The following SUGCT variants were observed in gnomAD, a reference collection of about 807,000 sequenced individuals.
SUGCT encodes succinyl-CoA:glutarate-CoA transferase.
SUGCT carries 41 observed loss-of-function variants against 55.0 expected under a neutral mutation model. The ratio of observed to expected loss-of-function variants is 0.74; its 90% CI spans 0.58 to 0.97. SUGCT has a LOEUF of 0.97. Among genes scored for constraint, SUGCT ranks in the 50% least tolerant of loss-of-function variants. The pLI, the probability that SUGCT is intolerant of heterozygous loss-of-function variation, is 0.00. For missense variants in SUGCT, 568 were observed against 547.8 expected, an observed-to-expected ratio of 1.04 and a Z score of -0.37; for synonymous variants, 187 against 200.4, an observed-to-expected ratio of 0.93 and a Z score of 0.56.
intron 9 of SUGCT, among the ~76,000 whole-genome samples, chr7:40,436,261 T>C (rs1788172532): frequency 6.6e-6 from 1 of 151,992 alleles, no homozygotes; most frequent in South Asian, 2.1e-4. Context: ...TTCCTAGTAC[T>C]GCACTTACTC....
At chr7:40,414,605 A>T (rs1786867294) in intron 9 of SUGCT, among the ~76,000 whole-genome samples, 1 of 151,896 alleles carries the variant, frequency 6.6e-6, no homozygotes, top group South Asian at 2.1e-4. Context: ...TGTCACATTA[A>T]AAAAAAATTC....
At chr7:40,260,175 C>A (rs1416048701) in intron 7 of SUGCT, among the ~76,000 whole-genome samples, 1 of 152,134 alleles carries the variant, frequency 6.6e-6, no homozygotes, top group African/African-American at 2.4e-5. Context: ...TGACATGGTT[C>A]TTAACTCTAT....
intron 13 of SUGCT, among the ~76,000 whole-genome samples, chr7:40,756,339 AT>A (rs781619229): frequency 6.6e-6 from 1 of 152,156 alleles, no homozygotes; most frequent in East Asian, 1.9e-4. Context: ...TTCAGTATGC[AT>A]TTTTTATTAA....
chr7:40,861,381 C>A (rs754420752), downstream of SUGCT, among the ~76,000 whole-genome samples: 1 of 152,182 alleles, frequency 6.6e-6, no homozygotes, highest in Non-Finnish European at 1.5e-5. Flanking sequence ...CATGCCTTAG[C>A]ATTGAGTATT....
chr7:40,894,051 C>T, the SUGCT span, among the ~76,000 whole-genome samples: 1 of 106,610 alleles, frequency 9.4e-6, no homozygotes, highest in Admixed American at 1.3e-4. Context: ...GAGACTCTGT[C>T]TTAAGAAGAA....
chr7:40,898,358 C>T, the SUGCT span, among the ~76,000 whole-genome samples: 4 of 152,010 alleles, frequency 2.6e-5, no homozygotes, highest in African/African-American at 7.2e-5. Context: ...GGCTTCGCTC[C>T]TGAAGTCAGC....
chr7:40,852,312 A>G (rs764924114), intron 13 of SUGCT, among the ~76,000 whole-genome samples: 4 of 152,158 alleles, frequency 2.6e-5, no homozygotes, highest in Non-Finnish European at 4.4e-5. Context: ...TCTCAAAAAC[A>G]CATCCACTTT....
chr7:40,816,744 A>G (rs1420771136), intron 13 of SUGCT, among the ~76,000 whole-genome samples: 1 of 152,178 alleles, frequency 6.6e-6, no homozygotes, highest in Non-Finnish European at 1.5e-5. Flanking sequence ...TTTTAAGGCT[A>G]AAGAGGTTAC....
At chr7:40,392,068 G>A (rs1029919387) in intron 9 of SUGCT, among the ~76,000 whole-genome samples, 11 of 152,190 alleles carry the variant, frequency 7.2e-5, no homozygotes, top group Non-Finnish European at 1.6e-4. Context: ...ATCACTCATA[G>A]GTGGGAATTG....
chr7:40,596,742 G>A (rs1021339104), intron 12 of SUGCT, among the ~76,000 whole-genome samples: 1 of 152,218 alleles, frequency 6.6e-6, no homozygotes, highest in African/African-American at 2.4e-5. Context: ...TCTTGTATTC[G>A]TTGCCTTCCT....
chr7:40,833,195 GAAGAAAAA>G (rs1180281779), intron 13 of SUGCT, among the ~76,000 whole-genome samples: 2 of 151,872 alleles, frequency 1.3e-5, no homozygotes, highest in East Asian at 3.9e-4. Context: ...AAGATTACTG[GAAGAAAAA>G]AAGAATCCAA....
intron 13 of SUGCT, among the ~76,000 whole-genome samples, chr7:40,791,290 CTA>C (rs1485754586): frequency 1.3e-5 from 2 of 152,166 alleles, no homozygotes; most frequent in East Asian, 3.9e-4. Context: ...ACTGTAAGCT[CTA>C]TCTTTGTAGC....
intron 7 of SUGCT, among the ~76,000 whole-genome samples, chr7:40,271,485 T>C (rs1261473500): frequency 3.3e-5 from 5 of 152,116 alleles, no homozygotes; most frequent in African/African-American, 1.2e-4. Context: ...TTAAGTGTGA[T>C]CTGGGTTATG....
At chr7:40,641,485 G>A (rs1284979567) in intron 12 of SUGCT, among the ~76,000 whole-genome samples, 1 of 152,066 alleles carries the variant, frequency 6.6e-6, no homozygotes, top group Non-Finnish European at 1.5e-5. Flanking sequence ...TCTTGGGTGC[G>A]GTGGGGTTGG....
At chr7:40,895,049 T>C in the SUGCT span, among the ~76,000 whole-genome samples, 2 of 152,092 alleles carry the variant, frequency 1.3e-5, no homozygotes, top group African/African-American at 4.8e-5. Flanking sequence ...AGAAAAGACA[T>C]TAAATCAACC....
chr7:41,023,170 T>C, the SUGCT span, among the ~76,000 whole-genome samples: 6 of 152,176 alleles, frequency 3.9e-5, no homozygotes, highest in Non-Finnish European at 2.9e-5. Context: ...AACAATGACT[T>C]CTTGGGACCC....
the SUGCT span, among the ~76,000 whole-genome samples, chr7:40,888,835 A>G: frequency 1.3e-5 from 2 of 152,150 alleles, no homozygotes; most frequent in African/African-American, 4.8e-5. Flanking sequence ...ACTCCCGAGT[A>G]TGCATTGGAA....
intron 8 of SUGCT, among the ~76,000 whole-genome samples, chr7:40,284,716 T>C (rs1005779767): frequency 6.6e-6 from 1 of 152,064 alleles, no homozygotes; most frequent in Non-Finnish European, 1.5e-5. Flanking sequence ...ACATTTATAA[T>C]TTTATTTTCA....
chr7:40,676,497 G>GTTT lies in SUGCT; in HGVS notation c.1090-72933_1090-72931dup, dbSNP rs1280564538. Among the ~76,000 whole-genome samples the GTTT allele has an allele frequency of 3.2e-4, 41 of 127,632 alleles. 2 individuals carry two copies. The highest frequency in any genetic ancestry group is 5.8e-4 in the African/African-American group (17 of 29,452). The allele number at this position is 127,632 out of a possible 152,430, so 83.7% of individuals were successfully genotyped here. ...AAGGAGAAAAATCCCTTGCGGTTTT[G>GTTT]TTTTTTGTTTTTTTTTTTTTTTTGA... On this transcript the variant is annotated intron_variant, in intron 12 of 13. Transcript: ENST00000335693.
Sources: allele counts gnomAD v4.1 joint callset (sites outside exome capture counted in the v4.1 genomes callset), GRCh38; gene constraint gnomAD v4.1.1; transcripts MANE v1.5; gene names NCBI Gene and HGNC (gene_info 2026-07-23, HGNC 2026-07-21).